PRDM11: variants seen among roughly 807,000 people sequenced by gnomAD.
PRDM11 encodes PR/SET domain 11.
PRDM11 carries 20 observed loss-of-function variants against 97.8 expected under a neutral mutation model. The ratio of observed to expected loss-of-function variants is 0.20; its 90% confidence interval spans 0.14 to 0.30. The LOEUF (loss-of-function observed/expected upper bound fraction) is 0.30, where lower values mean the gene tolerates loss of function less well. Ranked by LOEUF, PRDM11 falls within the 10% of genes least tolerant of loss-of-function variation. The pLI is 1.00. For missense variants in PRDM11, 1,139 were observed against 1,555.2 expected, an observed-to-expected ratio of 0.73 and a Z score of 4.50; for synonymous variants, 599 against 637.7, an observed-to-expected ratio of 0.94 and a Z score of 0.91.
At chr11:45,112,799 T>C (rs2135609640) in intron 1 of PRDM11, among the ~76,000 whole-genome samples, 1 of 152,174 alleles carries the variant, frequency 6.6e-6, no homozygotes, top group Non-Finnish European at 1.5e-5. Context: ...TGTGTGTGTG[T>C]GTGTGTGTGT....
At chr11:45,128,539 C>A (rs1443415596) in intron 1 of PRDM11, among the ~76,000 whole-genome samples, 2 of 116,348 alleles carry the variant, frequency 1.7e-5, no homozygotes, top group Non-Finnish European at 3.3e-5. Context: ...GTATTAACAA[C>A]TTTTTGTTGA....
intron 1 of PRDM11, among the ~76,000 whole-genome samples, chr11:45,169,030 C>A (rs1852137271): frequency 6.6e-6 from 1 of 152,206 alleles, no homozygotes; most frequent in South Asian, 2.1e-4. Flanking sequence ...TCCACAGGTA[C>A]AGCAGTGGTT....
intron 1 of PRDM11, among the ~76,000 whole-genome samples, chr11:45,139,195 A>C (rs183801632): frequency 2.0e-5 from 3 of 152,342 alleles, no homozygotes; most frequent in East Asian, 3.9e-4. Flanking sequence ...TCGGGGAAAC[A>C]AGCAGGCTCA....
At position 45,224,645 on chromosome 11, in the gene PRDM11, G is replaced by A. The variant is rs745622269; in HGVS notation, c.1171G>A (p.Asp391Asn). 47 of 1,614,148 alleles carry A rather than the reference G, an allele frequency of 2.9e-5. No homozygotes were observed. Among genetic ancestry groups the A allele is most frequent in the Admixed American group, 1.3e-4 (8 of 60,014 alleles). Residue 391 changes from aspartate (D) to asparagine (N), a missense_variant, in exon 7 of 8, where the codon GAC becomes AAC. Around this residue, in one of 2 missense-constraint regions of PRDM11, gnomAD observed 429 missense variants for 510.3 expected, o/e 0.84. Transcript: ENST00000683152. ...EEEEPSSFKA[D>N]SPAEASLASD... ...AGAGGAGCCTTCATCATTCAAGGCC[G>A]ACAGTCCTGCCGAGGCCTCCCTTGC...
In PRDM11 at chr11:45,198,290, G is replaced by C. The variant is rs146104639; in HGVS notation, c.487-6421G>C. On this transcript the variant is annotated intron_variant, in intron 4 of 7. Coordinates refer to ENST00000683152, the MANE Select transcript of PRDM11 (RefSeq NM_001384648.1). Reference sequence around the variant, plus strand: ...TCACTCCATGTCTGTGGCCATAGCAGAGGCCAGAGTTCAAGTTCAAGTTCA... The same window carrying C: ...TCACTCCATGTCTGTGGCCATAGCACAGGCCAGAGTTCAAGTTCAAGTTCA... Among the ~76,000 whole-genome samples the C allele has an allele frequency of 1.3e-4, 20 of 152,342 alleles. No homozygotes were observed. The East Asian group carries it at 3.9e-3, about 29-fold the overall frequency.
At chr11:45,146,227 G>T (rs1851504404), upstream of PRDM11, among the ~76,000 whole-genome samples, 1 of 152,136 alleles carries the variant, frequency 6.6e-6, no homozygotes, top group African/African-American at 2.4e-5. Flanking sequence ...CAGCCGCGGA[G>T]CCCTGAAAGG....
At chr11:45,133,372 C>T (rs1404684923) in intron 1 of PRDM11, among the ~76,000 whole-genome samples, 3 of 152,194 alleles carry the variant, frequency 2.0e-5, no homozygotes, top group African/African-American at 7.2e-5. Flanking sequence ...ACCCTATTGT[C>T]CACTTTCTCT....
chr11:45,095,680 G>A (rs1851879185), upstream of PRDM11: 1 of 641,974 alleles, frequency 1.6e-6, no homozygotes. Flanking sequence ...CCTGGGACAT[G>A]TCCTCTTGGG....
At chr11:45,209,705 G>C (rs1286069345) in intron 5 of PRDM11, among the ~76,000 whole-genome samples, 1 of 152,192 alleles carries the variant, frequency 6.6e-6, no homozygotes, top group African/African-American at 2.4e-5. Flanking sequence ...ACAGTCACAG[G>C]GGCCGCGGGG....
intron 1 of PRDM11, among the ~76,000 whole-genome samples, chr11:45,177,500 T>C (rs919610786): frequency 1.3e-5 from 2 of 152,132 alleles, no homozygotes; most frequent in African/African-American, 4.8e-5. Flanking sequence ...TCTCCCTCTC[T>C]CTCTCCCCAG....
chr11:45,158,605 T>C (rs1851856989), intron 1 of PRDM11, among the ~76,000 whole-genome samples: 2 of 152,236 alleles, frequency 1.3e-5, no homozygotes, highest in Admixed American at 1.3e-4. Context: ...TCACCCTGTC[T>C]GCTGTACCCG....
chr11:45,180,641 T>C (rs1852452649), intron 1 of PRDM11, among the ~76,000 whole-genome samples: 1 of 150,294 alleles, frequency 6.7e-6, no homozygotes, highest in African/African-American at 2.4e-5. Context: ...AGAAGCCACA[T>C]GCCCCCGCAA....
intron 1 of PRDM11, among the ~76,000 whole-genome samples, chr11:45,131,972 C>A (rs1852731564): frequency 6.6e-6 from 1 of 152,108 alleles, no homozygotes; most frequent in Non-Finnish European, 1.5e-5. Flanking sequence ...CAGCAGTTCC[C>A]TGAATCTCCA....
rs561159840 is a variant in PRDM11, at chr11:45,212,420, C to T, written c.555-7150C>T. 14 of 360,216 alleles carry T rather than the reference C, an allele frequency of 3.9e-5. No individual in the cohort carries two copies. In the Admixed American group the frequency reaches 4.9e-4, roughly 13 times the overall value. 22.3% of individuals were successfully genotyped at this position (360,216 alleles called of 1,614,324 possible). The stretch of plus-strand genomic sequence containing the variant: ...GCAGGGCCAACCCCTGGGCCTCCCT[C>T]CTTCTCCCTTTTGTAACCACTTTTC... On this transcript the variant is annotated intron_variant, in intron 5 of 7. Transcript: ENST00000683152.
At position 45,224,401 on chromosome 11, in the gene PRDM11, G is replaced by A. The variant is rs768274470; in HGVS notation, c.927G>A (p.Leu309=). The change falls in exon 7 of 8, where the codon CTG becomes CTA. Residue 309 remains leucine, a synonymous_variant. Coordinates refer to ENST00000683152, the MANE Select transcript of PRDM11 (RefSeq NM_001384648.1). ...KKIDLIFKDV[L]EASLESAKVE... ...TTGACCTGATTTTCAAGGATGTTCT[G>A]GAGGCCTCACTGGAATCTGCGAAGG... 1.2e-6 allele frequency: 2 copies of A among 1,614,194 alleles called. No homozygotes were observed. Among genetic ancestry groups the A allele is most frequent in the Non-Finnish European group, 1.7e-6 (2 of 1,180,034 alleles).
chr11:45,114,958 T>C (rs1487720), intron 1 of PRDM11, among the ~76,000 whole-genome samples: 126,265 of 152,046 alleles, frequency 0.83, 53,283 homozygotes, highest in Middle Eastern at 0.88. Flanking sequence ...AGAAGTTCTT[T>C]AGGCTGAAGG....
At chr11:45,192,610 A>G (rs2135763302) in intron 4 of PRDM11, among the ~76,000 whole-genome samples, 1 of 152,336 alleles carries the variant, frequency 6.6e-6, no homozygotes, top group South Asian at 2.1e-4. Context: ...ACCAGCTCCT[A>G]ACCTGACCTC....
At chr11:45,134,226 T>A (rs1236368744) in intron 1 of PRDM11, among the ~76,000 whole-genome samples, 1 of 152,202 alleles carries the variant, frequency 6.6e-6, no homozygotes, top group Non-Finnish European at 1.5e-5. Flanking sequence ...TCGGACCAAA[T>A]AGCTCATGCT....
intron 1 of PRDM11, among the ~76,000 whole-genome samples, chr11:45,178,423 C>G (rs1397359160): frequency 6.6e-6 from 1 of 152,150 alleles, no homozygotes; most frequent in Admixed American, 6.5e-5. Flanking sequence ...CATCCTACCC[C>G]CTAGTGCTCC....
Sources: allele counts gnomAD v4.1 joint callset (sites outside exome capture counted in the v4.1 genomes callset), GRCh38; gene constraint gnomAD v4.1.1; regional missense constraint gnomAD v4.1.1; transcripts MANE v1.5; gene names NCBI Gene and HGNC (gene_info 2026-07-23, HGNC 2026-07-21).